The following RARB variants were observed in gnomAD, a reference collection of about 807,000 sequenced individuals.
The protein encoded by RARB is retinoic acid receptor beta, also known as HBV-activated protein.
Under a neutral mutation model 51.9 loss-of-function variants are expected in RARB, and 17 were observed. That is an observed-to-expected ratio of 0.33 (90% CI 0.22 to 0.49). The LOEUF is 0.49. Among genes scored for constraint, RARB ranks in the 20% least tolerant of loss-of-function variants. The pLI, the probability that RARB is intolerant of heterozygous loss-of-function variation, is 0.99. For missense variants in RARB, 369 were observed against 550.8 expected, an observed-to-expected ratio of 0.67 and a Z score of 3.30; for synonymous variants, 215 against 195.4, an observed-to-expected ratio of 1.10 and a Z score of -0.84.
At chr3:24,931,521 TTCA>T (rs973034171) in intron 2 of RARB, among the ~76,000 whole-genome samples, 3 of 151,996 alleles carry the variant, frequency 2.0e-5, no homozygotes, top group African/African-American at 7.2e-5. Context: ...GTTCTGTAGA[TTCA>T]TCAAGACCAG....
rs113305087 is a variant in RARB, at chr3:24,896,301, C to T, written c.-380+37549C>T. On this transcript the variant is annotated intron_variant, in intron 2 of 11. Transcript: ENST00000383772. ...TTGAGATGGAGTCTTGCTCTGTCAC[C>T]CAGGCTGGAGTGCCGTGGCGTGATC... 3.3e-5 allele frequency among the ~76,000 whole-genome samples: 5 copies of T among 152,128 alleles called. No homozygotes were observed. The East Asian group carries it at 9.7e-4, about 29-fold the overall frequency.
chr3:25,455,927 C>T (rs951612738), intron 1 of RARB, among the ~76,000 whole-genome samples: 5 of 152,216 alleles, frequency 3.3e-5, no homozygotes, highest in Non-Finnish European at 5.9e-5. Flanking sequence ...TCTAAGACTG[C>T]TTCTCCAAAC....
chr3:25,348,635 C>T lies in RARB; in HGVS notation c.179-112558C>T, dbSNP rs1705469506. On this transcript the variant is annotated intron_variant, in intron 5 of 11. Transcript: ENST00000383772. Reference sequence around the variant, plus strand: ...TGTGGAAATTGCACATGACACATGACCCACAACTTACAGAGCAGATAAGAA... The same window carrying T: ...TGTGGAAATTGCACATGACACATGATCCACAACTTACAGAGCAGATAAGAA... Among the ~76,000 whole-genome samples, 5 of 152,202 alleles carry T rather than the reference C, an allele frequency of 3.3e-5. No individual in the cohort carries two copies. The South Asian group carries it at 1.0e-3, about 32-fold the overall frequency.
chr3:25,284,482 C>G (rs1024816701), intron 5 of RARB, among the ~76,000 whole-genome samples: 1 of 151,764 alleles, frequency 6.6e-6, no homozygotes, highest in Non-Finnish European at 1.5e-5. Flanking sequence ...AGTAGTATTA[C>G]TCAAGGAAAA....
chr3:24,854,644 A>C (rs1575037090), intron 1 of RARB, among the ~76,000 whole-genome samples: 1 of 152,158 alleles, frequency 6.6e-6, no homozygotes. Flanking sequence ...GATGCATAGT[A>C]GCATTTAAGA....
chr3:24,885,141 G>A (rs1703243981), intron 2 of RARB, among the ~76,000 whole-genome samples: 1 of 152,108 alleles, frequency 6.6e-6, no homozygotes, highest in Non-Finnish European at 1.5e-5. Flanking sequence ...GGGAATAAAA[G>A]AGAGTGACAT....
rs969352028 is a variant in RARB, at chr3:25,132,795, C to T, written c.-280+587C>T. 3.3e-5 allele frequency among the ~76,000 whole-genome samples: 5 copies of T among 151,688 alleles called. No individual in the cohort carries two copies. In the East Asian group the frequency reaches 9.6e-4, roughly 29 times the overall value. Reference sequence around the variant, plus strand: ...CATTAATTAGCCTGACTCCATGATTCCACAATGTGTATATGTATCAAAACA... The same window carrying T: ...CATTAATTAGCCTGACTCCATGATTTCACAATGTGTATATGTATCAAAACA... On this transcript the variant is annotated intron_variant, in intron 4 of 11. Transcript: ENST00000383772.
At chr3:25,130,950 T>TCAATATTGATAAA (rs1473920888) in intron 3 of RARB, among the ~76,000 whole-genome samples, 9 of 93,384 alleles carry the variant, frequency 9.6e-5, no homozygotes, top group African/African-American at 4.0e-4. Context: ...TCAATATTTA[T>TCAATATTGATAAA]TATTGATAAT....
chr3:24,896,205 G>C (rs1178929955), intron 2 of RARB, among the ~76,000 whole-genome samples: 1 of 152,160 alleles, frequency 6.6e-6, no homozygotes. Context: ...ACAGGCTGGA[G>C]GAAGGGGAGA....
At chr3:25,018,827 T>G (rs1697569133) in intron 2 of RARB, among the ~76,000 whole-genome samples, 1 of 152,184 alleles carries the variant, frequency 6.6e-6, no homozygotes, top group Non-Finnish European at 1.5e-5. Context: ...TGCCTTACAA[T>G]AGCAAACTTT....
chr3:25,047,659 A>C (rs1325093917), intron 2 of RARB, among the ~76,000 whole-genome samples: 1 of 152,224 alleles, frequency 6.6e-6, no homozygotes, highest in Non-Finnish European at 1.5e-5. Flanking sequence ...CACTCAATAC[A>C]GTAGGTCTTT....
chr3:24,945,629 C>G (rs903780309), intron 2 of RARB, among the ~76,000 whole-genome samples: 1 of 152,232 alleles, frequency 6.6e-6, no homozygotes, highest in South Asian at 2.1e-4. Context: ...TTTCCAGAAT[C>G]TTATCCTTGG....
At chr3:25,410,855 C>G (rs1420253173) in intron 5 of RARB, among the ~76,000 whole-genome samples, 1 of 152,222 alleles carries the variant, frequency 6.6e-6, no homozygotes, top group Non-Finnish European at 1.5e-5. Context: ...GCTCGCTGCC[C>G]CAACCCCTGC....
chr3:24,993,178 G>A (rs1392483939), intron 2 of RARB, among the ~76,000 whole-genome samples: 3 of 151,808 alleles, frequency 2.0e-5, no homozygotes, highest in Non-Finnish European at 4.4e-5. Flanking sequence ...TGATGATTCT[G>A]GTGAAAAAAA....
intron 3 of RARB, among the ~76,000 whole-genome samples, chr3:25,065,971 A>T (rs1440677865): frequency 6.6e-6 from 1 of 152,188 alleles, no homozygotes; most frequent in South Asian, 2.1e-4. Context: ...TTCTTCTATG[A>T]GTCATTAACT....
chr3:25,518,523 C>A (rs1310696973), intron 3 of RARB, among the ~76,000 whole-genome samples: 2 of 151,846 alleles, frequency 1.3e-5, no homozygotes, highest in African/African-American at 4.8e-5. Flanking sequence ...CATCTGTTTT[C>A]CAAATTGAAA....
At chr3:24,830,162 T>C (rs1217315787) in intron 1 of RARB, among the ~76,000 whole-genome samples, 2 of 152,016 alleles carry the variant, frequency 1.3e-5, no homozygotes, top group Non-Finnish European at 1.5e-5. Flanking sequence ...GTTCTTGCTG[T>C]GTGCGCGCTT....
At chr3:25,312,389 T>G (rs1381754878) in intron 5 of RARB, among the ~76,000 whole-genome samples, 1 of 152,046 alleles carries the variant, frequency 6.6e-6, no homozygotes, top group Non-Finnish European at 1.5e-5. Context: ...AGACCTAAGA[T>G]TTTGAGAAGT....
At chr3:24,879,148 A>G (rs1703106202) in intron 2 of RARB, among the ~76,000 whole-genome samples, 1 of 152,046 alleles carries the variant, frequency 6.6e-6, no homozygotes, top group South Asian at 2.1e-4. Context: ...ATTGAGTTCC[A>G]GCTGGACACG....
Sources: allele counts gnomAD v4.1 joint callset (sites outside exome capture counted in the v4.1 genomes callset), GRCh38; gene constraint gnomAD v4.1.1; transcripts MANE v1.5; gene names NCBI Gene and HGNC (gene_info 2026-07-23, HGNC 2026-07-21).